The following KCNJ3 variants were observed in gnomAD, a reference collection of about 807,000 sequenced individuals.
KCNJ3 encodes the protein G protein-activated inward rectifier potassium channel 1.
KCNJ3 carries 4 observed loss-of-function variants against 39.2 expected under a neutral mutation model. That is an observed-to-expected ratio of 0.10 (90% CI 0.05 to 0.23). The LOEUF is 0.23. Among genes scored for constraint, KCNJ3 ranks in the 10% least tolerant of loss-of-function variants. The pLI is 1.00. For missense variants in KCNJ3, 276 were observed against 634.9 expected (o/e 0.43, Z 6.08); for synonymous variants, 230 against 237.4 (o/e 0.97, Z 0.29).
At chr2:154,846,578 C>T (rs1574485229) in intron 2 of KCNJ3, among the ~76,000 whole-genome samples, 1 of 152,044 alleles carries the variant, frequency 6.6e-6, no homozygotes, top group East Asian at 1.9e-4. Flanking sequence ...GTGAGTTATC[C>T]AAACAGGAAC....
intron 2 of KCNJ3, among the ~76,000 whole-genome samples, chr2:154,721,952 T>G (rs1685269229): frequency 6.6e-6 from 1 of 152,160 alleles, no homozygotes; most frequent in Non-Finnish European, 1.5e-5. Flanking sequence ...CTTGCCCACT[T>G]TAAAATAATT....
At chr2:154,822,337 A>G (rs1687199979) in intron 2 of KCNJ3, among the ~76,000 whole-genome samples, 1 of 152,200 alleles carries the variant, frequency 6.6e-6, no homozygotes, top group African/African-American at 2.4e-5. Context: ...TGTGTGCCTC[A>G]TAATTATCTT....
chr2:154,734,127 T>A (rs1685485928), intron 2 of KCNJ3, among the ~76,000 whole-genome samples: 1 of 152,236 alleles, frequency 6.6e-6, no homozygotes, highest in Non-Finnish European at 1.5e-5. Context: ...ATAAATCTAC[T>A]TCTAACAGAA....
In KCNJ3 at chr2:154,786,768, A is replaced by T. The variant is rs183438073; in HGVS notation, c.920-67959A>T. Among the ~76,000 whole-genome samples, 343 of 152,326 alleles carry T rather than the reference A, an allele frequency of 2.3e-3. 4 individuals are homozygous for T. The Middle Eastern group carries it at 0.024, about 11-fold the overall frequency. On this transcript the variant is annotated intron_variant, in intron 2 of 2. Transcript: ENST00000295101. Reference sequence around the variant, plus strand: ...TTTAGTTAACTGAAAAAAAATCAAGAAAAAATACATTTCCCTTTGTTTAGA... The same window carrying T: ...TTTAGTTAACTGAAAAAAAATCAAGTAAAAATACATTTCCCTTTGTTTAGA...
At chr2:154,765,434 TG>T (rs1193523469) in intron 2 of KCNJ3, among the ~76,000 whole-genome samples, 4 of 152,294 alleles carry the variant, frequency 2.6e-5, no homozygotes, top group African/African-American at 9.6e-5. Context: ...CTTGCTAGAA[TG>T]TAAAGCCCAA....
At chr2:154,825,588 T>C (rs969754853) in intron 2 of KCNJ3, among the ~76,000 whole-genome samples, 1 of 143,798 alleles carries the variant, frequency 7.0e-6, no homozygotes, top group African/African-American at 2.6e-5. Flanking sequence ...TTATTTATTA[T>C]TTTTTGAGAC....
intron 2 of KCNJ3, among the ~76,000 whole-genome samples, chr2:154,724,916 G>GAT (rs1558856912): frequency 6.8e-5 from 4 of 59,140 alleles, no homozygotes; most frequent in African/African-American, 4.0e-4. Context: ...ATACATATGA[G>GAT]GTATATATAT....
chr2:154,815,160 A>G (rs1055656702), intron 2 of KCNJ3, among the ~76,000 whole-genome samples: 2 of 152,158 alleles, frequency 1.3e-5, no homozygotes, highest in Non-Finnish European at 2.9e-5. Context: ...CTTTAAAGCC[A>G]TATCTCTATA....
At chr2:154,807,000 C>A (rs1328173738) in intron 2 of KCNJ3, among the ~76,000 whole-genome samples, 1 of 152,128 alleles carries the variant, frequency 6.6e-6, no homozygotes, top group Non-Finnish European at 1.5e-5. Flanking sequence ...GTTGAGGTGA[C>A]ATAAATGCCT....
rs1684840854 is a variant in KCNJ3, at chr2:154,699,115, A to G, written c.340A>G (p.Lys114Glu). ...VIAYTRGDLN[K>E]AHVGNYTPCV... is the part of the protein sequence containing the mutation. ...CGCCTACACTCGGGGCGACCTGAAC[A>G]AAGCCCACGTCGGTAACTACACGCC... Residue 114 changes from lysine to glutamate, a missense_variant, in exon 1 of 3, where the codon AAA (lysine) becomes GAA (glutamate). Lys to Glu is a moderately conservative substitution (Grantham distance 56). This residue lies in a region of KCNJ3 where 46 missense variants were observed against 206.6 expected (regional missense o/e 0.22). Transcript: ENST00000295101. The surrounding 1 kb of genome is among the most constrained non-coding windows in gnomAD (Gnocchi z 6.4). The G allele has an allele frequency of 2.5e-6, 4 of 1,614,126 alleles. No individual in the cohort carries two copies. Among genetic ancestry groups the G allele is most frequent in the Non-Finnish European group, 3.4e-6 (4 of 1,180,058 alleles).
intron 2 of KCNJ3, among the ~76,000 whole-genome samples, chr2:154,852,583 T>G (rs1687775265): frequency 6.6e-6 from 1 of 152,168 alleles, no homozygotes; most frequent in Non-Finnish European, 1.5e-5. Flanking sequence ...ATTTCTTATC[T>G]TAACAATGAC....
At chr2:154,725,035 G>GCTT (rs1685329546) in intron 2 of KCNJ3, among the ~76,000 whole-genome samples, 1 of 150,102 alleles carries the variant, frequency 6.7e-6, no homozygotes, top group African/African-American at 2.4e-5. Context: ...AGATTCTTCT[G>GCTT]CTTCTTAATG....
intron 2 of KCNJ3, among the ~76,000 whole-genome samples, chr2:154,755,573 G>A (rs1307803627): frequency 6.7e-6 from 1 of 148,790 alleles, no homozygotes; most frequent in Non-Finnish European, 1.5e-5. Context: ...TTTTATTCCA[G>A]CATACTAGAT....
chr2:154,730,442 A>G (rs1044885529), intron 2 of KCNJ3, among the ~76,000 whole-genome samples: 6 of 152,240 alleles, frequency 3.9e-5, no homozygotes, highest in Admixed American at 3.3e-4. Context: ...TTTATATACA[A>G]TTTCTCAAGC....
chr2:154,726,835 A>ACCCC (rs1553455093), intron 2 of KCNJ3, among the ~76,000 whole-genome samples: 7 of 98,186 alleles, frequency 7.1e-5, no homozygotes, highest in East Asian at 5.2e-4. Context: ...ACACACACAC[A>ACCCC]TACACCATGG....
At chr2:154,721,199 C>A (rs1685258610) in intron 2 of KCNJ3, among the ~76,000 whole-genome samples, 1 of 152,032 alleles carries the variant, frequency 6.6e-6, no homozygotes, top group Non-Finnish European at 1.5e-5. Flanking sequence ...TAGTGCTTTA[C>A]AATAATCTTT....
chr2:154,771,452 C>A (rs1460798433), intron 2 of KCNJ3, among the ~76,000 whole-genome samples: 1 of 152,080 alleles, frequency 6.6e-6, no homozygotes, highest in Non-Finnish European at 1.5e-5. Flanking sequence ...GCTTTATAAT[C>A]ATGGAGTGAT....
intron 2 of KCNJ3, among the ~76,000 whole-genome samples, chr2:154,812,511 A>G (rs540354689): frequency 1.3e-3 from 200 of 152,276 alleles, no homozygotes; most frequent in African/African-American, 4.7e-3. Flanking sequence ...CTATTGTGAA[A>G]GCTGTAGAAT....
At chr2:154,708,018 C>T (rs1051578433) in intron 1 of KCNJ3, among the ~76,000 whole-genome samples, 1 of 152,120 alleles carries the variant, frequency 6.6e-6, no homozygotes, top group African/African-American at 2.4e-5. Context: ...GCCTAGTTTT[C>T]TCCAACATTG....
Sources: allele counts gnomAD v4.1 joint callset (sites outside exome capture counted in the v4.1 genomes callset), GRCh38; gene constraint gnomAD v4.1.1; regional missense constraint gnomAD v4.1.1; non-coding constraint Gnocchi (gnomAD v3.1); transcripts MANE v1.5; gene names NCBI Gene and HGNC (gene_info 2026-07-23, HGNC 2026-07-21).